Variants in SYT16 observed in about 807,000 individuals in gnomAD.
SYT16 encodes synaptotagmin-16.
In SYT16, 42 loss-of-function variants were observed where a neutral mutation model predicts 61.4. The ratio of observed to expected loss-of-function variants is 0.68; its 90% confidence interval spans 0.53 to 0.89. The LOEUF is 0.89. Ranked by LOEUF, SYT16 falls within the 40% of genes least tolerant of loss-of-function variation. The probability of loss-of-function intolerance (pLI) is 0.00; values close to 1 mark genes in which losing one functional copy is unlikely to be tolerated. For missense variants in SYT16, 804 were observed against 807.3 expected, an observed-to-expected ratio of 1.00 and a Z score of 0.05; for synonymous variants, 314 against 302.3, an observed-to-expected ratio of 1.04 and a Z score of -0.40.
intron 3 of SYT16, among the ~76,000 whole-genome samples, chr14:62,068,460 G>A (rs928261622): frequency 2.6e-5 from 4 of 152,124 alleles, no homozygotes; most frequent in Non-Finnish European, 5.9e-5. Context: ...TATACAAAGC[G>A]GATATGCAGG....
At chr14:61,945,914 A>C (rs995888631) in intron 1 of SYT16, among the ~76,000 whole-genome samples, 33 of 149,524 alleles carry the variant, frequency 2.2e-4, no homozygotes, top group African/African-American at 7.3e-4. Context: ...CTGCAGGGAC[A>C]TGGATGAAAC....
At chr14:62,006,126 A>G (rs1158630295) in intron 3 of SYT16, among the ~76,000 whole-genome samples, 2 of 152,154 alleles carry the variant, frequency 1.3e-5, no homozygotes, top group Non-Finnish European at 2.9e-5. Context: ...TGAGGGCCCT[A>G]TAAAACTAGG....
intron 1 of SYT16, among the ~76,000 whole-genome samples, chr14:61,937,722 C>T (rs1374928847): frequency 6.6e-6 from 1 of 152,032 alleles, no homozygotes; most frequent in Admixed American, 6.6e-5. Context: ...CACCAGGCTT[C>T]CCAGATATGA....
chr14:62,018,872 T>C (rs577231071), intron 3 of SYT16, among the ~76,000 whole-genome samples: 1 of 152,320 alleles, frequency 6.6e-6, no homozygotes, highest in East Asian at 1.9e-4. Flanking sequence ...TACTTGTTTG[T>C]TTGTTTCCAT....
In SYT16 at chr14:61,978,673, G is replaced by A. The variant is rs559257643; in HGVS notation, c.-145+8362G>A. Reference sequence around the variant, plus strand: ...TGTTAAGTTCCCCTTTTAAGTCAGGGAGGGAAGTGCTTGACCAGAGTGTTA... The same window carrying A: ...TGTTAAGTTCCCCTTTTAAGTCAGGAAGGGAAGTGCTTGACCAGAGTGTTA... On this transcript the variant is annotated intron_variant, in intron 2 of 7. Transcript: ENST00000683842. 4.6e-5 allele frequency among the ~76,000 whole-genome samples: 7 copies of A among 152,262 alleles called. No individual in the cohort carries two copies. In the East Asian group the frequency reaches 1.2e-3, roughly 25 times the overall value.
chr14:61,900,459 C>T (rs975660357), intron 1 of SYT16, among the ~76,000 whole-genome samples: 3 of 152,050 alleles, frequency 2.0e-5, no homozygotes, highest in African/African-American at 7.2e-5. Flanking sequence ...TGCCTGGCCG[C>T]TATTTTCTTA....
At chr14:61,927,229 T>C (rs1202836308) in intron 1 of SYT16, among the ~76,000 whole-genome samples, 2 of 152,210 alleles carry the variant, frequency 1.3e-5, no homozygotes, top group African/African-American at 4.8e-5. Context: ...TGAGGCTCTA[T>C]AAAGCTATTC....
chr14:61,884,334 T>A (rs1294103962), intron 1 of SYT16, among the ~76,000 whole-genome samples: 3 of 152,230 alleles, frequency 2.0e-5, no homozygotes. Flanking sequence ...TCAGGCTTCC[T>A]TTATTAATAT....
At chr14:62,049,211 A>T (rs2055150686) in intron 3 of SYT16, among the ~76,000 whole-genome samples, 1 of 152,108 alleles carries the variant, frequency 6.6e-6, no homozygotes, top group African/African-American at 2.4e-5. Context: ...TGTTGAATTG[A>T]TCCCTTTACC....
chr14:61,998,242 G>A (rs1251774269), intron 3 of SYT16, among the ~76,000 whole-genome samples: 2 of 151,868 alleles, frequency 1.3e-5, no homozygotes, highest in Admixed American at 6.6e-5. Flanking sequence ...CATCCTTAGT[G>A]TATAGTTCTA....
At chr14:62,078,652 C>T (rs769006420) in intron 5 of SYT16, among the ~76,000 whole-genome samples, 3 of 152,136 alleles carry the variant, frequency 2.0e-5, no homozygotes, top group African/African-American at 4.8e-5. Flanking sequence ...GGCCACCACT[C>T]AGTATGGCTA....
At chr14:62,070,026 G>T (rs74054950) in intron 4 of SYT16, among the ~76,000 whole-genome samples, 5,092 of 152,266 alleles carry the variant, frequency 0.033, 200 homozygotes, top group African/African-American at 0.1. Context: ...TCAGGAGTGG[G>T]TGGGTCTCAA....
At chr14:61,844,917 C>G (rs968387105) in intron 1 of SYT16, among the ~76,000 whole-genome samples, 7 of 151,428 alleles carry the variant, frequency 4.6e-5, no homozygotes, top group African/African-American at 1.7e-4. Flanking sequence ...TGGAAGGATT[C>G]TGTCCTCTAT....
chr14:62,010,123 A>C (rs1333195049), intron 3 of SYT16, among the ~76,000 whole-genome samples: 1 of 152,232 alleles, frequency 6.6e-6, no homozygotes, highest in East Asian at 1.9e-4. Context: ...TGTATAGATT[A>C]TAAAATAGTC....
At chr14:61,871,994 T>G (rs2047346032) in intron 1 of SYT16, among the ~76,000 whole-genome samples, 1 of 152,174 alleles carries the variant, frequency 6.6e-6, no homozygotes, top group Non-Finnish European at 1.5e-5. Context: ...CAGTAAAATG[T>G]GTGGGTAATT....
intron 2 of SYT16, among the ~76,000 whole-genome samples, chr14:61,986,069 A>C (rs1215901244): frequency 6.6e-6 from 1 of 152,146 alleles, no homozygotes; most frequent in African/African-American, 2.4e-5. Context: ...ATATTTTTTG[A>C]GTTCATAAAT....
intron 1 of SYT16, among the ~76,000 whole-genome samples, chr14:61,817,569 A>T (rs2045482470): frequency 6.6e-6 from 1 of 152,190 alleles, no homozygotes; most frequent in African/African-American, 2.4e-5. Context: ...GCAAATCAAG[A>T]GACATTCTGT....
intron 3 of SYT16, among the ~76,000 whole-genome samples, chr14:62,016,375 A>G (rs181466165): frequency 2.0e-5 from 3 of 152,246 alleles, no homozygotes. Context: ...AGTCTTTGAA[A>G]TAATTCAAGT....
chr14:61,861,923 TA>T (rs375453113), intron 1 of SYT16, among the ~76,000 whole-genome samples: 1 of 152,272 alleles, frequency 6.6e-6, no homozygotes, highest in Non-Finnish European at 1.5e-5. Context: ...ACTTTATTGC[TA>T]AAAAAATACT....
Sources: allele counts gnomAD v4.1 joint callset (sites outside exome capture counted in the v4.1 genomes callset), GRCh38; gene constraint gnomAD v4.1.1; transcripts MANE v1.5; gene names NCBI Gene and HGNC (gene_info 2026-07-23, HGNC 2026-07-21).